The following DLG1 variants were observed in gnomAD, a reference collection of about 807,000 sequenced individuals.
The protein encoded by DLG1 is discs large MAGUK scaffold protein 1, also known as disks large homolog 1.
DLG1 carries 42 observed loss-of-function variants against 123.4 expected under a neutral mutation model. That is an observed-to-expected ratio of 0.34 (90% CI 0.27 to 0.44). The LOEUF is 0.44. DLG1 is among the 20% of genes least tolerant of loss of function. DLG1 has a pLI of 1.00. For synonymous variants in DLG1, 317 were observed against 356.2 expected (o/e 0.89, Z 1.24); for missense variants, 942 against 1,082.6 (o/e 0.87, Z 1.82).
At position 197,116,065 on chromosome 3, in the gene DLG1, A is replaced by C. The variant is rs1254380974; in HGVS notation, c.1305T>G (p.Val435=). The C allele has an allele frequency of 1.3e-6, 2 of 1,599,650 alleles. No individual in the cohort carries two copies. The highest frequency in any genetic ancestry group is 1.7e-6 in the Non-Finnish European group (2 of 1,176,256). The part of the protein sequence containing the change: ...DEITREPRKV[V]LHRGSTGLGF... The stretch of plus-strand genomic sequence containing the variant: ...CAAGGCCCGTTGAGCCACGATGAAG[A>C]ACAACTTTTCTAGGTTCCCTAAAAA... Residue 435 remains valine, a synonymous_variant, in exon 13 of 25, where the codon GTT becomes GTG. Coordinates refer to ENST00000667157, the MANE Select transcript of DLG1 (RefSeq NM_001366207.1).
At chr3:197,109,540 A>G (rs562035148) in intron 13 of DLG1, among the ~76,000 whole-genome samples, 12 of 152,320 alleles carry the variant, frequency 7.9e-5, no homozygotes, top group African/African-American at 2.6e-4. Context: ...GTTGCATATA[A>G]AACAATACCC....
At chr3:197,235,282 T>C (rs989765629) in intron 4 of DLG1, among the ~76,000 whole-genome samples, 8 of 152,108 alleles carry the variant, frequency 5.3e-5, no homozygotes, top group Non-Finnish European at 1.0e-4. Context: ...AGCACTGGAA[T>C]GTGCAAGGCA....
chr3:197,290,625 G>A (rs549596466), intron 3 of DLG1, among the ~76,000 whole-genome samples: 1 of 152,234 alleles, frequency 6.6e-6, no homozygotes, highest in Non-Finnish European at 1.5e-5. Flanking sequence ...AAAAGTAAGA[G>A]TGGAAGGAAC....
intron 4 of DLG1, among the ~76,000 whole-genome samples, chr3:197,206,565 T>C (rs1432602606): frequency 6.6e-6 from 1 of 152,154 alleles, no homozygotes; most frequent in Non-Finnish European, 1.5e-5. Flanking sequence ...CCTCCCAAAG[T>C]GTTAGGATTA....
At chr3:197,076,529 G>A (rs1747368988) in intron 18 of DLG1, 57 bp downstream of exon 18, 1 of 1,345,380 alleles carries the variant, frequency 7.4e-7, no homozygotes, top group African/African-American at 1.5e-5. Context: ...ACCAACTGCA[G>A]GGCAGTAGGT....
intron 4 of DLG1, among the ~76,000 whole-genome samples, chr3:197,202,777 G>C (rs1726480285): frequency 6.6e-6 from 1 of 152,188 alleles, no homozygotes; most frequent in African/African-American, 2.4e-5. Flanking sequence ...GAATTGTAAG[G>C]AGATGTGAGC....
At chr3:197,228,392 G>A (rs148812981) in intron 4 of DLG1, among the ~76,000 whole-genome samples, 3 of 152,324 alleles carry the variant, frequency 2.0e-5, no homozygotes, top group African/African-American at 7.2e-5. Context: ...TGTCCACTTA[G>A]CCTGTGCTCT....
chr3:197,067,197 T>G (rs1046572174), intron 19 of DLG1, among the ~76,000 whole-genome samples: 2 of 152,028 alleles, frequency 1.3e-5, no homozygotes, highest in African/African-American at 4.8e-5. Context: ...ACAGTATATT[T>G]TATTTTTAAA....
intron 5 of DLG1, among the ~76,000 whole-genome samples, chr3:197,163,225 T>C (rs1322590210): frequency 6.6e-6 from 1 of 152,168 alleles, no homozygotes; most frequent in African/African-American, 2.4e-5. Flanking sequence ...GGCAAGGATG[T>C]GGAGAAACTG....
chr3:197,246,576 T>C lies in DLG1; in HGVS notation c.318+36103A>G, dbSNP rs932677740. Among the ~76,000 whole-genome samples, 31 of 152,162 alleles carry C rather than the reference T, an allele frequency of 2.0e-4. 1 individual carries two copies. The highest frequency in any genetic ancestry group is 1.7e-3 in the Admixed American group (26 of 15,274). On this transcript the variant is annotated intron_variant, in intron 4 of 24. Coordinates refer to ENST00000667157, the MANE Select transcript of DLG1 (RefSeq NM_001366207.1). ...CAGTAGCTGTAATAGACTGAATAAA[T>C]TTGGGCCACCCACAGGTTACTGGGT...
intron 4 of DLG1, among the ~76,000 whole-genome samples, chr3:197,254,399 C>G (rs338204): frequency 0.56 from 85,790 of 152,070 alleles, 24,739 homozygotes; most frequent in East Asian, 0.79. Flanking sequence ...GCAACCTAAC[C>G]CTAAACAAAT....
chr3:197,191,401 A>C (rs1379962951), intron 5 of DLG1, among the ~76,000 whole-genome samples: 2 of 152,202 alleles, frequency 1.3e-5, no homozygotes, highest in African/African-American at 4.8e-5. Context: ...TGAGATTTAA[A>C]GAATAGGCTA....
At chr3:197,136,773 C>A in intron 9 of DLG1, 95 bp from the exon 10 acceptor site, 2 of 1,070,874 alleles carry the variant, frequency 1.9e-6, no homozygotes. Context: ...TTCCCTCACA[C>A]TAATATTTTT....
chr3:197,065,857 T>C (rs1173926020), intron 20 of DLG1, 48 bp from the exon 21 acceptor site: 1 of 1,202,452 alleles, frequency 8.3e-7, no homozygotes, highest in African/African-American at 1.5e-5. Flanking sequence ...TCAACAAATA[T>C]CAATGTATTT....
intron 22 of DLG1, among the ~76,000 whole-genome samples, chr3:197,061,219 G>C (rs541676580): frequency 6.6e-6 from 1 of 152,076 alleles, no homozygotes; most frequent in South Asian, 2.1e-4. Context: ...CAAACATATA[G>C]AAAAGTAAAT....
At chr3:197,290,317 A>G (rs1774203853) in intron 3 of DLG1, among the ~76,000 whole-genome samples, 1 of 152,254 alleles carries the variant, frequency 6.6e-6, no homozygotes, top group South Asian at 2.1e-4. Flanking sequence ...AACCGGTTCA[A>G]GAATCATCAA....
chr3:197,207,728 T>G (rs1460799775), intron 4 of DLG1, among the ~76,000 whole-genome samples: 1 of 147,712 alleles, frequency 6.8e-6, no homozygotes, highest in Non-Finnish European at 1.5e-5. Context: ...GGTACTATTT[T>G]TAATAAAGTT....
chr3:197,183,306 T>G (rs1261891182), intron 5 of DLG1, among the ~76,000 whole-genome samples: 1 of 152,200 alleles, frequency 6.6e-6, no homozygotes, highest in Non-Finnish European at 1.5e-5. Flanking sequence ...TAATTCATAT[T>G]TTATGTATCA....
chr3:197,283,950 C>G (rs1042456312), intron 3 of DLG1, among the ~76,000 whole-genome samples: 1 of 150,532 alleles, frequency 6.6e-6, no homozygotes, highest in Admixed American at 6.7e-5. Context: ...CAACCTCCAC[C>G]TCCTGGGTTC....
Sources: gnomAD v4.1 joint callset for allele counts (sites outside exome capture counted in the v4.1 genomes callset) on GRCh38, gnomAD v4.1.1 for gene constraint, MANE v1.5 for transcripts, NCBI Gene and HGNC (gene_info 2026-07-23, HGNC 2026-07-21) for gene names.